The following GLI3 variants were observed in gnomAD, a reference collection of about 807,000 sequenced individuals.
GLI3 encodes the protein transcription activator GLI3.
In GLI3, 20 loss-of-function variants were observed where a neutral mutation model predicts 100.8. That is an observed-to-expected ratio of 0.20 (90% CI 0.14 to 0.29). The LOEUF is 0.29. Ranked by LOEUF, GLI3 falls within the 10% of genes least tolerant of loss-of-function variation. GLI3 has a pLI of 1.00. For synonymous variants in GLI3, 938 were observed against 860.5 expected, an observed-to-expected ratio of 1.09 and a Z score of -1.58; for missense variants, 2,040 against 2,128.5, an observed-to-expected ratio of 0.96 and a Z score of 0.82.
At position 42,068,252 on chromosome 7, in the gene GLI3, G is replaced by T. The variant is rs144295317; in HGVS notation, c.473+8500C>A. On this transcript the variant is annotated intron_variant, in intron 4 of 14. Coordinates refer to ENST00000395925, the MANE Select transcript of GLI3 (RefSeq NM_000168.6). The stretch of plus-strand genomic sequence containing the variant: ...CCAAATTAGCTAAGTCAGCACAGGA[G>T]GTAAACACAGGCCAGTAAGCCGTTT... Among the ~76,000 whole-genome samples, 1,407 of 152,344 alleles carry T rather than the reference G, an allele frequency of 9.2e-3. 28 individuals are homozygous for T. Among genetic ancestry groups the T allele is most frequent in the African/African-American group, 0.032 (1,320 of 41,584 alleles).
intron 3 of GLI3, among the ~76,000 whole-genome samples, chr7:42,103,121 G>T (rs1222612298): frequency 1.5e-5 from 2 of 136,250 alleles, no homozygotes; most frequent in Non-Finnish European, 3.2e-5. Context: ...GACTGGGGGA[G>T]AGTATGTTTC....
At chr7:42,005,453 T>TCACACA (rs1202320829) in intron 10 of GLI3, among the ~76,000 whole-genome samples, 7 of 60,268 alleles carry the variant, frequency 1.2e-4, no homozygotes, top group African/African-American at 3.6e-4. Context: ...TATCCTGAAT[T>TCACACA]CACATACACA....
chr7:42,163,707 G>A lies in GLI3; in HGVS notation c.125-15239C>T, dbSNP rs948886197. ...AGCCTCCCAAAGTGCTGGGATTACA[G>A]GCGTGAACTACCGTGCCTGGCCATG... On this transcript the variant is annotated intron_variant, in intron 2 of 14. Transcript: ENST00000395925. Among the ~76,000 whole-genome samples, 5 of 152,290 alleles carry A rather than the reference G, an allele frequency of 3.3e-5. No homozygotes were observed. The East Asian group carries it at 9.7e-4, about 29-fold the overall frequency.
At chr7:42,130,914 T>C (rs758910159) in intron 3 of GLI3, among the ~76,000 whole-genome samples, 2 of 152,108 alleles carry the variant, frequency 1.3e-5, no homozygotes, top group African/African-American at 2.4e-5. Flanking sequence ...GGAATACAAA[T>C]CAAAGAGACA....
chr7:42,032,172 G>A (rs1789314444), intron 7 of GLI3, among the ~76,000 whole-genome samples: 1 of 151,948 alleles, frequency 6.6e-6, no homozygotes, highest in African/African-American at 2.4e-5. Flanking sequence ...TCTACACACT[G>A]CATCTCATTC....
chr7:42,180,375 C>T lies in GLI3; in HGVS notation c.125-31907G>A, dbSNP rs188464943. Reference sequence around the variant, plus strand: ...AAAAGAGAATGGCTGAGGGTGAAAACAGCGAGCTCCAATGGCCCTGTGAAA... The same window carrying T: ...AAAAGAGAATGGCTGAGGGTGAAAATAGCGAGCTCCAATGGCCCTGTGAAA... On this transcript the variant is annotated intron_variant, in intron 2 of 14. Coordinates refer to ENST00000395925, the MANE Select transcript of GLI3 (RefSeq NM_000168.6). 1.1e-4 allele frequency among the ~76,000 whole-genome samples: 17 copies of T among 152,326 alleles called. No individual in the cohort carries two copies. The East Asian group carries it at 2.3e-3, about 21-fold the overall frequency.
At chr7:42,165,645 G>T (rs1787226683) in intron 2 of GLI3, among the ~76,000 whole-genome samples, 1 of 152,136 alleles carries the variant, frequency 6.6e-6, no homozygotes, top group Non-Finnish European at 1.5e-5. Context: ...CTGGGTTTAG[G>T]CCTTGTCTAT....
Position 42,249,967 on chromosome 7 carries a change from T to C in GLI3, c.-43+14027A>G, listed in dbSNP as rs1789014805. ...AAAATTAGCCAGGCATGGTGTTGCA[T>C]ACCTGTAGTCCCAGCTACTCTGGAG... On this transcript the variant is annotated intron_variant, in intron 1 of 2. Coordinates refer to the GLI3 transcript ENST00000678978. 3.3e-5 allele frequency among the ~76,000 whole-genome samples: 5 copies of C among 152,158 alleles called. No individual in the cohort carries two copies. In the South Asian group the frequency reaches 1.0e-3, roughly 32 times the overall value.
Position 42,054,251 on chromosome 7 carries a change from C to T in GLI3, c.474-5555G>A, listed in dbSNP as rs1784407954. ...ACTTAAAACATGTTGCAGAGAATAA[C>T]TGGACTTCTGAGTTAGAATGAAATA... is the stretch of plus-strand genomic sequence containing the variant. On this transcript the variant is annotated intron_variant, in intron 4 of 14. Transcript: ENST00000395925. 2.0e-5 allele frequency among the ~76,000 whole-genome samples: 3 copies of T among 152,306 alleles called. No homozygotes were observed. The South Asian group carries it at 6.2e-4, about 32-fold the overall frequency.
Position 42,040,231 on chromosome 7 carries a change from A to G in GLI3, c.835T>C (p.Phe279Leu). 1 of 1,612,476 alleles carries G rather than the reference A, an allele frequency of 6.2e-7. No homozygotes were observed. The highest frequency in any genetic ancestry group is 8.5e-7 in the Non-Finnish European group (1 of 1,178,536). The change falls in exon 7 of 15, where the codon TTC becomes CTC. Residue 279 changes from phenylalanine (F) to leucine (L), a missense_variant. Phe to Leu is a conservative substitution (Grantham distance 22). This residue lies in a region of GLI3 where 603 missense variants were observed against 690.9 expected (regional missense o/e 0.87). Transcript: ENST00000395925. ...CTGGCTGACAGCCTGGGGCTGGAGA[A>G]TCTGGTGCCTGTTATATAAACAAAA... is the stretch of plus-strand genomic sequence containing the variant. The part of the protein sequence containing the change: ...EYLHAMDSTR[F>L]SSPRLSARPS...
intron 2 of GLI3, among the ~76,000 whole-genome samples, chr7:42,186,010 A>G (rs894767319): frequency 6.6e-6 from 1 of 152,194 alleles, no homozygotes; most frequent in Non-Finnish European, 1.5e-5. Flanking sequence ...TATGCAAATG[A>G]TCACATAAGC....
intron 10 of GLI3, among the ~76,000 whole-genome samples, chr7:42,004,545 G>A (rs984166736): frequency 3.3e-5 from 5 of 152,050 alleles, no homozygotes; most frequent in African/African-American, 1.2e-4. Flanking sequence ...TCCTACCTAG[G>A]AATAGGCCAG....
At chr7:42,220,251 A>T (rs1466634071) in intron 2 of GLI3, among the ~76,000 whole-genome samples, 6 of 152,206 alleles carry the variant, frequency 3.9e-5, no homozygotes, top group African/African-American at 1.4e-4. Flanking sequence ...TAGCAATCAA[A>T]CTACCTGTTA....
At chr7:42,130,516 T>A (rs1786250111) in intron 3 of GLI3, among the ~76,000 whole-genome samples, 1 of 152,098 alleles carries the variant, frequency 6.6e-6, no homozygotes, top group African/African-American at 2.4e-5. Context: ...AGATTATGAC[T>A]GCAAAAAGTT....
chr7:42,095,988 A>G (rs1439626420), intron 3 of GLI3, among the ~76,000 whole-genome samples: 1 of 152,154 alleles, frequency 6.6e-6, no homozygotes, highest in Non-Finnish European at 1.5e-5. Flanking sequence ...ACACAGGACA[A>G]CCACCAGTCA....
At chr7:42,085,773 G>C (rs934150985) in intron 3 of GLI3, among the ~76,000 whole-genome samples, 1 of 152,210 alleles carries the variant, frequency 6.6e-6, no homozygotes, top group African/African-American at 2.4e-5. Flanking sequence ...GCCTGCCAGA[G>C]ATTGTCGGGG....
intron 1 of GLI3, among the ~76,000 whole-genome samples, chr7:42,246,621 A>G (rs917675916): frequency 7.2e-6 from 1 of 139,850 alleles, no homozygotes. Flanking sequence ...GAAAAACAAA[A>G]CAAAACAAAA....
chr7:42,051,353 C>T (rs1204412198), intron 4 of GLI3, among the ~76,000 whole-genome samples: 1 of 152,132 alleles, frequency 6.6e-6, no homozygotes, highest in Non-Finnish European at 1.5e-5. Context: ...AAGATAACCT[C>T]GTGGGAGTCT....
intron 1 of GLI3, among the ~76,000 whole-genome samples, chr7:42,234,052 T>C (rs1788743267): frequency 6.6e-6 from 1 of 152,232 alleles, no homozygotes; most frequent in South Asian, 2.1e-4. Context: ...GCTGGGGATT[T>C]ACAACAATTG....
Sources: gnomAD v4.1 joint callset for allele counts (sites outside exome capture counted in the v4.1 genomes callset) on GRCh38, gnomAD v4.1.1 for gene constraint, gnomAD v4.1.1 regional missense constraint, MANE v1.5 for transcripts, NCBI Gene and HGNC (gene_info 2026-07-23, HGNC 2026-07-21) for gene names.